Variants in WLS observed in about 807,000 individuals in gnomAD.
WLS encodes Wnt ligand secretion mediator.
Under a neutral mutation model 62.8 loss-of-function variants are expected in WLS, and 23 were observed. The observed-to-expected ratio is 0.37, with a 90% CI of 0.26 to 0.52. WLS has a LOEUF of 0.52. Among genes scored for constraint, WLS ranks in the 20% least tolerant of loss-of-function variants. WLS has a pLI of 0.92. For missense variants in WLS, 615 were observed against 697.3 expected, an observed-to-expected ratio of 0.88 and a Z score of 1.33; for synonymous variants, 246 against 244.1, an observed-to-expected ratio of 1.01 and a Z score of -0.07.
At chr1:68,215,182 A>G (rs1200985846) in intron 1 of WLS, among the ~76,000 whole-genome samples, 2 of 152,154 alleles carry the variant, frequency 1.3e-5, no homozygotes, top group African/African-American at 4.8e-5. Context: ...AAATAGGCGA[A>G]ACACTAGGCA....
At position 68,109,437 on chromosome 1, in the gene WLS, G is replaced by A. The variant is rs769643168; in HGVS notation, c.1511-10684C>T. Among the ~76,000 whole-genome samples, 71 of 152,182 alleles carry A rather than the reference G, an allele frequency of 4.7e-4. 2 individuals carry two copies. The highest frequency in any genetic ancestry group is 1.3e-4 in the Admixed American group (2 of 15,274). ...GAGGTAGAAGAGATGAGGTATGCCA[G>A]ACTTCTACTTCTAAGAACTTTAAAT... is the stretch of plus-strand genomic sequence containing the variant. On this transcript the variant is annotated intron_variant, in intron 11 of 11. Transcript: ENST00000354777.
intron 1 of WLS, among the ~76,000 whole-genome samples, chr1:68,200,445 T>C (rs1471562885): frequency 1.4e-5 from 2 of 142,062 alleles, no homozygotes; most frequent in East Asian, 4.1e-4. Context: ...TTTTTAAAAA[T>C]AATTGGGACT....
intron 9 of WLS, 152 bp downstream of exon 9, chr1:68,145,717 G>C: frequency 1.6e-6 from 2 of 1,265,528 alleles, no homozygotes; most frequent in South Asian, 1.6e-5. Flanking sequence ...AGTAAGATTT[G>C]GCCTCTAATT....
At chr1:68,123,099 TAAA>T (rs1259939366), downstream of WLS, among the ~76,000 whole-genome samples, 1 of 152,176 alleles carries the variant, frequency 6.6e-6, no homozygotes, top group Non-Finnish European at 1.5e-5. Flanking sequence ...CCCTGCGGAC[TAAA>T]AAACACAAGT....
chr1:68,217,141 T>G (rs1463450795), intron 1 of WLS, among the ~76,000 whole-genome samples: 1 of 152,200 alleles, frequency 6.6e-6, no homozygotes, highest in Non-Finnish European at 1.5e-5. Context: ...GCTCTGTACC[T>G]TCTTGGTTCA....
intron 11 of WLS, among the ~76,000 whole-genome samples, chr1:68,113,890 C>T (rs1166944274): frequency 6.6e-6 from 1 of 152,172 alleles, no homozygotes; most frequent in Non-Finnish European, 1.5e-5. Context: ...AGAGTACATC[C>T]CATGCCTCAG....
At chr1:68,139,977 C>T (rs1646663832) in intron 10 of WLS, among the ~76,000 whole-genome samples, 1 of 152,200 alleles carries the variant, frequency 6.6e-6, no homozygotes, top group South Asian at 2.1e-4. Flanking sequence ...TTCCGTTATA[C>T]TTATTTAAAA....
downstream of WLS, chr1:68,121,040 A>G (rs1646358478): frequency 6.6e-6 from 1 of 152,238 alleles, no homozygotes; most frequent in South Asian, 2.1e-4. Context: ...AAATTTTTAA[A>G]ACTAAGTATT....
chr1:68,107,090 G>A (rs1279108422), intron 11 of WLS, among the ~76,000 whole-genome samples: 1 of 151,942 alleles, frequency 6.6e-6, no homozygotes, highest in African/African-American at 2.4e-5. Context: ...TTAATATGTT[G>A]GTATCGATTA....
intron 11 of WLS, among the ~76,000 whole-genome samples, chr1:68,131,136 C>T (rs752350): frequency 0.31 from 46,269 of 150,250 alleles, 7,248 homozygotes; most frequent in East Asian, 0.39. Flanking sequence ...TGGTCTCGAT[C>T]TCCTGACCTT....
intron 2 of WLS, among the ~76,000 whole-genome samples, chr1:68,169,354 AT>A (rs1273101161): frequency 2.6e-5 from 4 of 152,136 alleles, no homozygotes; most frequent in African/African-American, 7.2e-5. Flanking sequence ...GGAGACATCA[AT>A]TTTTTTAAAT....
At chr1:68,187,922 C>T (rs1570978062) in intron 2 of WLS, among the ~76,000 whole-genome samples, 1 of 152,066 alleles carries the variant, frequency 6.6e-6, no homozygotes, top group Admixed American at 6.5e-5. Context: ...AGAAATTTAT[C>T]GTTGACTTTT....
chr1:68,174,737 C>G (rs1361037370), intron 2 of WLS, among the ~76,000 whole-genome samples: 1 of 152,146 alleles, frequency 6.6e-6, no homozygotes, highest in Admixed American at 6.5e-5. Flanking sequence ...TTGCGTTGGT[C>G]TCTACATGCA....
intron 11 of WLS, among the ~76,000 whole-genome samples, chr1:68,116,666 ATTG>A (rs747088543): frequency 1.2e-4 from 18 of 152,140 alleles, no homozygotes; most frequent in African/African-American, 4.3e-4. Context: ...AGATATTTTA[ATTG>A]TTGTTAAGCC....
chr1:68,219,745 A>AT (rs1208927906), intron 1 of WLS, among the ~76,000 whole-genome samples: 1 of 152,130 alleles, frequency 6.6e-6, no homozygotes, highest in African/African-American at 2.4e-5. Flanking sequence ...TTTAATCATT[A>AT]TTTTTTGTTT....
chr1:68,155,783 T>C (rs547007565), intron 3 of WLS, among the ~76,000 whole-genome samples: 2 of 152,236 alleles, frequency 1.3e-5, no homozygotes, highest in South Asian at 4.2e-4. Context: ...TATCTTCTTT[T>C]TATTCACTTG....
rs925749321 is a variant in WLS at position 68,153,755 on chromosome 1, C to T, written c.667-102G>A. ...GAGAGGTAAGTGGAGACCTCGTCTGCGAATGTTCACGATCAAGAGCTTTCA... is the reference window on the plus strand; with the variant it reads ...GAGAGGTAAGTGGAGACCTCGTCTGTGAATGTTCACGATCAAGAGCTTTCA... On this transcript the variant is annotated intron_variant, in intron 4 of 11. Coordinates refer to ENST00000262348, the MANE Select transcript of WLS (RefSeq NM_024911.7). 3.3e-5 allele frequency: 48 copies of T among 1,460,932 alleles called. 1 individual carries two copies. The highest frequency in any genetic ancestry group is 1.5e-4 in the African/African-American group (11 of 72,076). The allele number at this position is 1,460,932 out of a possible 1,614,324, so 90.5% of individuals were successfully genotyped here.
At chr1:68,200,736 C>G (rs1648966813) in intron 1 of WLS, among the ~76,000 whole-genome samples, 1 of 152,138 alleles carries the variant, frequency 6.6e-6, no homozygotes, top group African/African-American at 2.4e-5. Context: ...GTAGAGAAAA[C>G]CTCCATTGCA....
chr1:68,178,439 G>A lies in WLS; in HGVS notation c.379+15516C>T, dbSNP rs530488347. 7.6e-4 allele frequency among the ~76,000 whole-genome samples: 116 copies of A among 152,118 alleles called. 1 individual carries two copies. Among genetic ancestry groups the A allele is most frequent in the Non-Finnish European group, 8.1e-4 (55 of 68,020 alleles). ...TCTTAGGCCAGGAGTGGTGGCTTAC[G>A]CCTGTAATCCCAGCACTTTGGGACT... On this transcript the variant is annotated intron_variant, in intron 2 of 11. Transcript: ENST00000262348.
Sources: gnomAD v4.1 joint callset for allele counts (sites outside exome capture counted in the v4.1 genomes callset) on GRCh38, gnomAD v4.1.1 for gene constraint, MANE v1.5 for transcripts, NCBI Gene and HGNC (gene_info 2026-07-23, HGNC 2026-07-21) for gene names.